PPP1R9B: variants seen among roughly 807,000 people sequenced by gnomAD.
PPP1R9B encodes the protein neurabin-2.
PPP1R9B carries 17 observed loss-of-function variants against 75.8 expected under a neutral mutation model. The ratio of observed to expected loss-of-function variants is 0.22; its 90% confidence interval spans 0.15 to 0.34. PPP1R9B has a LOEUF of 0.34. PPP1R9B is among the 10% of genes least tolerant of loss of function. The pLI, the probability that PPP1R9B is intolerant of heterozygous loss-of-function variation, is 1.00. For synonymous variants in PPP1R9B, 509 were observed against 535.4 expected (o/e 0.95, Z 0.68); for missense variants, 875 against 1,196.0 (o/e 0.73, Z 3.96).
Position 50,141,306 on chromosome 17 carries a change from C to A in PPP1R9B, c.1693G>T (p.Ala565Ser), listed in dbSNP as rs1567728653. 6.3e-7 allele frequency: 1 copy of A among 1,592,452 alleles called. No homozygotes were observed. The highest frequency in any genetic ancestry group is 8.5e-7 in the Non-Finnish European group (1 of 1,170,250). The change falls in exon 4 of 10, where the codon GCG becomes TCG. Residue 565 changes from alanine to serine, a missense_variant. By Grantham distance (99) the Ala-to-Ser change is moderately conservative. Transcript: ENST00000612501. ...TTGGTGTTCCGGAGCACAGACGCCG[C>A]GAAGCTCTGGGTCACTCCCACCAGA... ...TSLVGVTQSF[A>S]ASVLRNTKGR...
chr17:50,141,936 G>A (rs1185978363), intron 3 of PPP1R9B, among the ~76,000 whole-genome samples: 1 of 152,186 alleles, frequency 6.6e-6, no homozygotes, highest in African/African-American at 2.4e-5. Context: ...TGAGCGGTGT[G>A]ACATTCTCAG....
At chr17:50,145,005 A>T (rs1912478785) in intron 2 of PPP1R9B, 108 bp downstream of exon 2, 1 of 1,378,432 alleles carries the variant, frequency 7.3e-7, no homozygotes, top group Non-Finnish European at 9.8e-7. Flanking sequence ...GGAGAGGCCC[A>T]GCAAGTCTGT....
chr17:50,146,710 T>C (rs847680), intron 1 of PPP1R9B, among the ~76,000 whole-genome samples: 23,305 of 152,212 alleles, frequency 0.15, 2,067 homozygotes, highest in East Asian at 0.36. Flanking sequence ...CATCTGTCCA[T>C]TGCACCCCTC....
At chr17:50,138,541 G>T (rs1354855405) in intron 7 of PPP1R9B, among the ~76,000 whole-genome samples, 1 of 152,054 alleles carries the variant, frequency 6.6e-6, no homozygotes, top group Non-Finnish European at 1.5e-5. Flanking sequence ...CCTATATATA[G>T]CAGACATATG....
rs779361399 is a variant in PPP1R9B, at chr17:50,136,125, T to C, written c.2146A>G (p.Asn716Asp). 6.2e-7 allele frequency: 1 copy of C among 1,608,420 alleles called. No homozygotes were observed. Among genetic ancestry groups the C allele is most frequent in the Non-Finnish European group, 8.5e-7 (1 of 1,179,808 alleles). ...TCCAGTTTCTCCATGCGCTCCTTGT[T>C]CTCCTCCACACTCTGCTCCAACTGC... ...KAQLEQSVEENKERMEKLEGY... is the reference protein window; with the variant it reads ...KAQLEQSVEEDKERMEKLEGY... The change falls in exon 8 of 10, where the codon AAC (asparagine) becomes GAC (aspartate). Residue 716 changes from asparagine to aspartate, a missense_variant. By Grantham distance (23) the Asn-to-Asp change is conservative (BLOSUM62 1). This residue lies in a region of PPP1R9B where 218 missense variants were observed against 334.6 expected (regional missense o/e 0.65). Transcript: ENST00000612501.
At chr17:50,136,365 G>A (rs1430521566) in intron 7 of PPP1R9B, among the ~76,000 whole-genome samples, 168 bp from the exon 8 acceptor site, 1 of 152,118 alleles carries the variant, frequency 6.6e-6, no homozygotes, top group East Asian at 1.9e-4. Flanking sequence ...GAAACCCAGA[G>A]AGGAAAGAAG....
rs767260039 is a variant in PPP1R9B at position 50,140,075 on chromosome 17, C to G, written c.1866+18G>C. On this transcript the variant is annotated intron_variant, in intron 5 of 9. Coordinates refer to ENST00000612501, the MANE Select transcript of PPP1R9B (RefSeq NM_032595.5). ...ACCAGGGGGCGACCACGCGGCCAGC[C>G]AGGCAGGGACTCCCTACCTCCTCGT... 2.5e-6 allele frequency: 4 copies of G among 1,611,430 alleles called. No individual in the cohort carries two copies. The highest frequency in any genetic ancestry group is 3.4e-6 in the Non-Finnish European group (4 of 1,178,820).
chr17:50,138,134 T>C (rs1414929775), intron 7 of PPP1R9B, among the ~76,000 whole-genome samples: 1 of 151,660 alleles, frequency 6.6e-6, no homozygotes, highest in East Asian at 1.9e-4. Context: ...CATGCTTGTG[T>C]AAGCATCTGT....
chr17:50,139,580 G>C lies in PPP1R9B; in HGVS notation c.1868C>G (p.Thr623Arg). The change falls in exon 6 of 10, where the codon ACG becomes AGG. Residue 623 changes from threonine to arginine, a missense_variant and splice_region_variant. By Grantham distance (71) the Thr-to-Arg change is moderately conservative. Transcript: ENST00000612501. The surrounding 1 kb of genome is among the most constrained non-coding windows in gnomAD (Gnocchi z 5.0). ...YAQYGEDDEETGEYATDEDEE... is the reference protein window; with the variant it reads ...YAQYGEDDEERGEYATDEDEE... ...ATCCTCGTCAGTGGCATACTCTCCC[G>C]TCTGCGAAGGGAGACCGGAGACTGT... The C allele has an allele frequency of 1.3e-6, 2 of 1,544,814 alleles. No individual in the cohort carries two copies. Among genetic ancestry groups the C allele is most frequent in the Non-Finnish European group, 1.7e-6 (2 of 1,144,746 alleles).
At chr17:50,135,942 AG>A in intron 8 of PPP1R9B, 25 bp downstream of exon 8, 1 of 882,810 alleles carries the variant, frequency 1.1e-6, no homozygotes, top group Non-Finnish European at 1.8e-6. Context: ...CCCTGGGCCC[AG>A]CCCGCCCAGC....
At position 50,139,339 on chromosome 17, in the gene PPP1R9B, C is replaced by G; in HGVS notation, c.2020-23G>C. ...GAGCTGTTGGGCAGAGGGGCAGGCA[C>G]TCAGCTCCAGCAGGGTGGGGCAGGC... On this transcript the variant is annotated intron_variant, in intron 6 of 9. Transcript: ENST00000612501. The surrounding 1 kb of genome is among the most constrained non-coding windows in gnomAD (Gnocchi z 5.0). 1 of 1,614,008 alleles carries G rather than the reference C, an allele frequency of 6.2e-7. No homozygotes were observed. The highest frequency in any genetic ancestry group is 8.5e-7 in the Non-Finnish European group (1 of 1,179,900).
chr17:50,149,770 G>A lies in PPP1R9B; in HGVS notation c.744C>T (p.Ser248=). Residue 248 remains serine, a synonymous_variant, in exon 1 of 10, where the codon TCC becomes TCT. Transcript: ENST00000612501. This position sits in a 1 kb window ranked among gnomAD's most constrained non-coding sequence, Gnocchi z 7.2. ...QVNSKLVSKR[S]RVFQPPPPPP... The stretch of plus-strand genomic sequence containing the variant: ...GCGGCGGCGGGGGCTGGAACACCCG[G>A]GACCGCTTGCTGACCAGCTTCGAGT... 1 of 1,411,728 alleles carries A rather than the reference G, an allele frequency of 7.1e-7. No homozygotes were observed. The highest frequency in any genetic ancestry group is 9.2e-7 in the Non-Finnish European group (1 of 1,091,792). 87.5% of individuals were successfully genotyped at this position (1,411,728 alleles called of 1,614,324 possible). A position where few individuals can be genotyped will look rare whatever the true frequency, so the allele number is the denominator to read the frequency against.
chr17:50,135,099 G>T lies in PPP1R9B; in HGVS notation c.*232C>A, dbSNP rs1010957953. On this transcript the variant is annotated 3_prime_UTR_variant, in exon 10 of 10. Coordinates refer to ENST00000612501, the MANE Select transcript of PPP1R9B (RefSeq NM_032595.5). Reference sequence around the variant, plus strand: ...CTCGGCCTCTGTGCCTCAGCCCCATGGGGCAAGAAAGAGGCTGCCCTTCTA... The same window carrying T: ...CTCGGCCTCTGTGCCTCAGCCCCATTGGGCAAGAAAGAGGCTGCCCTTCTA... 4.1e-5 allele frequency: 24 copies of T among 581,094 alleles called. No homozygotes were observed. Among genetic ancestry groups the T allele is most frequent in the Non-Finnish European group, 6.8e-5 (22 of 324,228 alleles). 36.0% of individuals were successfully genotyped at this position (581,094 alleles called of 1,614,324 possible). A position where few individuals can be genotyped will look rare whatever the true frequency, so the allele number is the denominator to read the frequency against.
chr17:50,134,166 A>AG lies in PPP1R9B; in HGVS notation c.*1164dup, dbSNP rs1365293648. Reference sequence around the variant, plus strand: ...TTTGAAAGGGGAGGGGACCTGGGGGAGGTGGTCTCACCTCCCTTGGTCCAA... The same window carrying AG: ...TTTGAAAGGGGAGGGGACCTGGGGGAGGGTGGTCTCACCTCCCTTGGTCCAA... On this transcript the variant is annotated 3_prime_UTR_variant, in exon 10 of 10. Coordinates refer to ENST00000612501, the MANE Select transcript of PPP1R9B (RefSeq NM_032595.5). 3 of 152,452 alleles carry AG rather than the reference A, an allele frequency of 2.0e-5. No individual in the cohort carries two copies. Among genetic ancestry groups the AG allele is most frequent in the African/African-American group, 7.3e-5 (3 of 41,378 alleles). 9.4% of individuals were successfully genotyped at this position (152,452 alleles called of 1,614,324 possible).
In PPP1R9B at chr17:50,135,650, C is replaced by A. The variant is rs868223539; in HGVS notation, c.2304-1G>T. 1 of 1,603,438 alleles carries A rather than the reference C, an allele frequency of 6.2e-7. No individual in the cohort carries two copies. ...CTCCTTTTTCAGGAACTCGATCTCC[C>A]TGGGCACAGGCAAGGGACAGATGGC... On this transcript the variant is annotated splice_acceptor_variant, in intron 8 of 9. Transcript: ENST00000612501. LOFTEE classifies it high-confidence loss of function.
chr17:50,139,370 C>T lies in PPP1R9B; in HGVS notation c.2020-54G>A. ...TCCAGCAGGGTGGGGCAGGCAGTGCCAAGGGCAGGAGACCTGCCTGCCTTT... is the reference window on the plus strand; with the variant it reads ...TCCAGCAGGGTGGGGCAGGCAGTGCTAAGGGCAGGAGACCTGCCTGCCTTT... On this transcript the variant is annotated intron_variant, in intron 6 of 9. Transcript: ENST00000612501. The surrounding 1 kb of genome is among the most constrained non-coding windows in gnomAD (Gnocchi z 5.0). 6.2e-7 allele frequency: 1 copy of T among 1,613,498 alleles called. No individual in the cohort carries two copies. The highest frequency in any genetic ancestry group is 8.5e-7 in the Non-Finnish European group (1 of 1,179,762).
chr17:50,143,782 C>T (rs1329215339), intron 2 of PPP1R9B, 64 bp from the exon 3 acceptor site: 31 of 1,600,412 alleles, frequency 1.9e-5, no homozygotes, highest in Admixed American at 1.5e-4. Context: ...CTCTCCACCC[C>T]GAATTCCAGG....
At chr17:50,145,318 A>AG in intron 1 of PPP1R9B, 73 bp from the exon 2 acceptor site, 1 of 1,591,746 alleles carries the variant, frequency 6.3e-7, no homozygotes, top group Admixed American at 1.7e-5. Flanking sequence ...GAGGCCGAGG[A>AG]GGCAGGCTGA....
At chr17:50,143,461 G>T in intron 3 of PPP1R9B, 137 bp downstream of exon 3, 1 of 1,121,592 alleles carries the variant, frequency 8.9e-7, no homozygotes, top group Non-Finnish European at 1.3e-6. Flanking sequence ...AGTGCTCCCC[G>T]AACATCTCAG....
Sources: gnomAD v4.1 joint callset for allele counts (sites outside exome capture counted in the v4.1 genomes callset) on GRCh38, gnomAD v4.1.1 for gene constraint, gnomAD v4.1.1 regional missense constraint, Gnocchi (gnomAD v3.1) non-coding constraint, MANE v1.5 for transcripts, NCBI Gene and HGNC (gene_info 2026-07-23, HGNC 2026-07-21) for gene names.